The following MAP4 variants were observed in gnomAD, a reference collection of about 807,000 sequenced individuals.
The protein encoded by MAP4 is microtubule associated protein 4, also known as microtubule-associated protein 4.
Under a neutral mutation model 170.2 loss-of-function variants are expected in MAP4, and 76 were observed. That is an observed-to-expected ratio of 0.45 (90% CI 0.37 to 0.54). MAP4 has a LOEUF of 0.54. Among genes scored for constraint, MAP4 ranks in the 20% least tolerant of loss-of-function variants. The pLI, the probability that MAP4 is intolerant of heterozygous loss-of-function variation, is 0.00. For synonymous variants in MAP4, 909 were observed against 994.5 expected, an observed-to-expected ratio of 0.91 and a Z score of 1.62; for missense variants, 2,506 against 2,748.0, an observed-to-expected ratio of 0.91 and a Z score of 1.97.
intron 1 of MAP4, among the ~76,000 whole-genome samples, chr3:48,066,538 G>C (rs2100138301): frequency 1.3e-5 from 2 of 152,006 alleles, no homozygotes. Context: ...CTGCCTCCCA[G>C]GCTGGAGTGC....
At chr3:47,997,123 G>A (rs2100096179) in intron 2 of MAP4, among the ~76,000 whole-genome samples, 1 of 151,480 alleles carries the variant, frequency 6.6e-6, no homozygotes, top group South Asian at 2.1e-4. Flanking sequence ...AGAGATACAG[G>A]ACACTATCCA....
At chr3:47,890,148 T>C (rs765283535) in intron 10 of MAP4, among the ~76,000 whole-genome samples, 22 of 152,186 alleles carry the variant, frequency 1.4e-4, no homozygotes, top group Non-Finnish European at 2.4e-4. Flanking sequence ...TTGTGAATTA[T>C]GGCCCTTTGT....
chr3:47,897,576 C>T (rs1317236552), intron 10 of MAP4, among the ~76,000 whole-genome samples: 1 of 152,116 alleles, frequency 6.6e-6, no homozygotes, highest in Non-Finnish European at 1.5e-5. Context: ...GGAGCAAACG[C>T]GTGTTTGAAG....
intron 17 of MAP4, among the ~76,000 whole-genome samples, chr3:47,863,628 C>G (rs1323403337): frequency 6.6e-6 from 1 of 152,070 alleles, no homozygotes; most frequent in South Asian, 2.1e-4. Flanking sequence ...GGTACCAAAA[C>G]ATGCTGTCAG....
At chr3:48,043,964 GCCT>G (rs1414711135) in intron 1 of MAP4, among the ~76,000 whole-genome samples, 1 of 152,038 alleles carries the variant, frequency 6.6e-6, no homozygotes, top group East Asian at 1.9e-4. Context: ...TCCTGCCTCA[GCCT>G]CCTGAGTAGC....
At chr3:48,040,889 G>A (rs1024938064) in intron 1 of MAP4, among the ~76,000 whole-genome samples, 4 of 151,870 alleles carry the variant, frequency 2.6e-5, no homozygotes, top group African/African-American at 4.8e-5. Context: ...TGATAGAGAC[G>A]GGGTTTTGCC....
At chr3:48,086,152 TCACACA>T (rs373452472) in intron 1 of MAP4, among the ~76,000 whole-genome samples, 13 of 148,296 alleles carry the variant, frequency 8.8e-5, no homozygotes, top group African/African-American at 2.2e-4. Context: ...ATACACACAC[TCACACA>T]CACACACACA....
rs765365559 is a variant in MAP4, at chr3:47,909,875, T to C, written c.4546A>G (p.Ile1516Val). 3.1e-6 allele frequency: 5 copies of C among 1,614,064 alleles called. No homozygotes were observed. The highest frequency in any genetic ancestry group is 1.6e-4 in the Middle Eastern group (1 of 6,062). ...TCTCCATGAATGTTAACTGTTTCTA[T>C]GGCTGTTGTAATAGGTAGAGCAACT... is the stretch of plus-strand genomic sequence containing the variant. ...GGVALPITTA[I>V]ETVNIHGDHS... The change falls in exon 9 of 21, where the codon ATA becomes GTA. Residue 1516 changes from isoleucine to valine, a missense_variant. Around this residue, in one of 3 missense-constraint regions of MAP4, gnomAD observed 2,008 missense variants for 2,206.0 expected, o/e 0.91. Transcript: ENST00000683076.
At chr3:48,070,234 A>G (rs1437003402) in intron 1 of MAP4, among the ~76,000 whole-genome samples, 1 of 150,042 alleles carries the variant, frequency 6.7e-6, no homozygotes, top group African/African-American at 2.5e-5. Context: ...GGTGCTACTT[A>G]ACCAGGCTTG....
chr3:47,939,942 A>C (rs942815518), intron 3 of MAP4, among the ~76,000 whole-genome samples: 1 of 151,944 alleles, frequency 6.6e-6, no homozygotes, highest in Admixed American at 6.6e-5. Context: ...GGTTCAAGCA[A>C]TTCTCCTGCC....
chr3:48,023,179 CAG>C (rs2154486487), intron 1 of MAP4, among the ~76,000 whole-genome samples: 1 of 152,144 alleles, frequency 6.6e-6, no homozygotes, highest in East Asian at 1.9e-4. Flanking sequence ...CAATTAAAAA[CAG>C]GGGAGGGGAG....
At chr3:47,969,859 C>CAA (rs1191663864) in intron 3 of MAP4, among the ~76,000 whole-genome samples, 12 of 101,604 alleles carry the variant, frequency 1.2e-4, no homozygotes, top group East Asian at 2.8e-4. Flanking sequence ...GACTCTGTCT[C>CAA]AAAAAAAAAA....
chr3:47,973,027 G>GT, intron 3 of MAP4: 1 of 985,170 alleles, frequency 1.0e-6, no homozygotes, highest in Non-Finnish European at 1.2e-6. Context: ...CCCAACTTGT[G>GT]TTTTAGTAAC....
At chr3:47,860,160 C>G (rs2063274619) in intron 17 of MAP4, among the ~76,000 whole-genome samples, 3 of 152,220 alleles carry the variant, frequency 2.0e-5, no homozygotes, top group Non-Finnish European at 2.9e-5. Flanking sequence ...AAGAAGTTAA[C>G]AGTCACTCTC....
intron 3 of MAP4, among the ~76,000 whole-genome samples, chr3:47,934,080 C>A (rs1170095327): frequency 6.6e-6 from 1 of 152,144 alleles, no homozygotes; most frequent in African/African-American, 2.4e-5. Flanking sequence ...TTAAACACTG[C>A]TGGAGAAGAA....
chr3:47,856,002 T>C (rs971154084), intron 18 of MAP4, among the ~76,000 whole-genome samples: 3 of 152,170 alleles, frequency 2.0e-5, no homozygotes, highest in Non-Finnish European at 4.4e-5. Flanking sequence ...AAGGCAGGCC[T>C]GGGATCTAGT....
At chr3:47,905,711 C>T (rs1577364524) in intron 9 of MAP4, among the ~76,000 whole-genome samples, 2 of 151,518 alleles carry the variant, frequency 1.3e-5, no homozygotes, top group East Asian at 1.9e-4. Context: ...AAATAAAACA[C>T]AGCCAGGCAT....
chr3:48,038,087 C>G (rs6442094), intron 1 of MAP4, among the ~76,000 whole-genome samples: 111,932 of 151,044 alleles, frequency 0.74, 41,940 homozygotes, highest in African/African-American at 0.87. Flanking sequence ...AGAATCGCTT[C>G]AACCCAGCAG....
intron 3 of MAP4, among the ~76,000 whole-genome samples, chr3:47,954,031 A>C (rs967840611): frequency 1.3e-5 from 2 of 151,864 alleles, no homozygotes; most frequent in South Asian, 4.2e-4. Context: ...CAAAAAAAAA[A>C]ACAAACAACA....
Sources: allele counts gnomAD v4.1 joint callset (sites outside exome capture counted in the v4.1 genomes callset), GRCh38; gene constraint gnomAD v4.1.1; regional missense constraint gnomAD v4.1.1; transcripts MANE v1.5; gene names NCBI Gene and HGNC (gene_info 2026-07-23, HGNC 2026-07-21).